Variants in CTNNAL1 observed in about 807,000 individuals in gnomAD.
CTNNAL1 encodes alpha-catulin.
In CTNNAL1, 69 loss-of-function variants were observed where a neutral mutation model predicts 93.6. The observed-to-expected ratio is 0.74, with a 90% confidence interval of 0.61 to 0.90. The LOEUF is 0.90. CTNNAL1 is among the 40% of genes least tolerant of loss of function. The pLI, the probability that CTNNAL1 is intolerant of heterozygous loss-of-function variation, is 0.00. For synonymous variants in CTNNAL1, 286 were observed against 305.4 expected (o/e 0.94, Z 0.66); for missense variants, 836 against 862.0 (o/e 0.97, Z 0.38).
At chr9:108,958,129 G>C (rs1361866292) in intron 11 of CTNNAL1, among the ~76,000 whole-genome samples, 1 of 128,004 alleles carries the variant, frequency 7.8e-6, no homozygotes, top group Non-Finnish European at 1.7e-5. Flanking sequence ...AAAGAAAAAA[G>C]AATTTTGAAT....
intron 2 of CTNNAL1, among the ~76,000 whole-genome samples, chr9:108,998,641 G>C (rs1444609883): frequency 1.3e-5 from 2 of 152,144 alleles, no homozygotes; most frequent in East Asian, 1.9e-4. Context: ...GTTCTCAAAG[G>C]CTTCTGTGCT....
chr9:108,999,822 G>A (rs11793272), intron 1 of CTNNAL1, among the ~76,000 whole-genome samples: 33,221 of 152,104 alleles, frequency 0.22, 4,444 homozygotes, highest in Admixed American at 0.3. Context: ...ACGAAATACC[G>A]AGAGTTTTAA....
chr9:108,972,856 GGGGGTGGGA>G, intron 8 of CTNNAL1, 23 bp from the exon 9 acceptor site: 11 of 576,812 alleles, frequency 1.9e-5, no homozygotes, highest in Admixed American at 3.2e-5. Context: ...GTGTGGGTGG[GGGGGTGGGA>G]GGGTGGAGAA....
At chr9:109,006,995 G>A (rs1827048795) in intron 1 of CTNNAL1, among the ~76,000 whole-genome samples, 1 of 152,188 alleles carries the variant, frequency 6.6e-6, no homozygotes, top group African/African-American at 2.4e-5. Flanking sequence ...AAGGCTGGTG[G>A]ATCACCTGAG....
At chr9:108,962,920 G>A (rs1455865052) in intron 11 of CTNNAL1, among the ~76,000 whole-genome samples, 2 of 152,126 alleles carry the variant, frequency 1.3e-5, no homozygotes, top group Admixed American at 6.5e-5. Context: ...AGGCAGGATT[G>A]GAACCTAGGC....
At chr9:108,998,829 A>G (rs545302014) in intron 2 of CTNNAL1, among the ~76,000 whole-genome samples, 3 of 152,308 alleles carry the variant, frequency 2.0e-5, no homozygotes, top group Non-Finnish European at 2.9e-5. Flanking sequence ...TCACATCTCA[A>G]TGGCTGATGA....
At chr9:109,006,338 T>C (rs1243782651) in intron 1 of CTNNAL1, among the ~76,000 whole-genome samples, 1 of 152,232 alleles carries the variant, frequency 6.6e-6, no homozygotes, top group East Asian at 1.9e-4. Flanking sequence ...TTCTCCAGCA[T>C]CTAATAGGTA....
intron 10 of CTNNAL1, among the ~76,000 whole-genome samples, chr9:108,968,909 A>T (rs950435817): frequency 2.4e-4 from 37 of 151,876 alleles, no homozygotes; most frequent in African/African-American, 8.2e-4. Flanking sequence ...AAATTAAAAT[A>T]TAAATAATAT....
At chr9:108,991,879 C>T in intron 3 of CTNNAL1, 2 of 582,322 alleles carry the variant, frequency 3.4e-6, no homozygotes, top group East Asian at 3.1e-5. Flanking sequence ...ACCCTGGATT[C>T]CCAGATGATC....
intron 14 of CTNNAL1, 126 bp downstream of exon 14, chr9:108,952,083 A>G (rs892574770): frequency 7.0e-6 from 5 of 711,854 alleles, no homozygotes; most frequent in African/African-American, 3.6e-5. Context: ...CATAGTAACT[A>G]CTTTTAGTCT....
intron 14 of CTNNAL1, among the ~76,000 whole-genome samples, chr9:108,948,916 A>C (rs1830479241): frequency 6.6e-6 from 1 of 152,218 alleles, no homozygotes; most frequent in South Asian, 2.1e-4. Context: ...GGAGATGTGA[A>C]CATATCATTC....
chr9:108,959,124 C>T (rs1206121948), intron 11 of CTNNAL1, among the ~76,000 whole-genome samples: 1 of 150,768 alleles, frequency 6.6e-6, no homozygotes, highest in East Asian at 2.0e-4. Flanking sequence ...CTTTGGGAGG[C>T]TGAGGCAGGC....
At chr9:108,972,540 T>G in intron 9 of CTNNAL1, 135 bp downstream of exon 9, 1 of 744,690 alleles carries the variant, frequency 1.3e-6, no homozygotes, top group Non-Finnish European at 2.2e-6. Flanking sequence ...AGATACATGG[T>G]ATGCTTTTAA....
At chr9:108,950,606 A>T (rs1294869738) in intron 14 of CTNNAL1, 36 of 1,549,496 alleles carry the variant, frequency 2.3e-5, no homozygotes, top group Non-Finnish European at 3.0e-5. Context: ...CTCCTTCTAT[A>T]GGAAGGAATC....
chr9:108,996,815 C>T (rs886671664), intron 2 of CTNNAL1, among the ~76,000 whole-genome samples: 1 of 151,798 alleles, frequency 6.6e-6, no homozygotes, highest in Non-Finnish European at 1.5e-5. Flanking sequence ...TATGTAATGT[C>T]TGTTTCATAA....
intron 4 of CTNNAL1, among the ~76,000 whole-genome samples, chr9:108,987,368 G>A (rs1436382359): frequency 1.3e-5 from 2 of 152,118 alleles, no homozygotes; most frequent in Non-Finnish European, 2.9e-5. Context: ...TGAGGGCTCT[G>A]TTCTGTTCCA....
chr9:109,013,489 T>C lies in CTNNAL1; in HGVS notation c.-47A>G, dbSNP rs1588003380. 3.0e-6 allele frequency: 4 copies of C among 1,314,398 alleles called. No individual in the cohort carries two copies. In the East Asian group the frequency reaches 1.3e-4, roughly 42 times the overall value. 81.4% of individuals were successfully genotyped at this position (1,314,398 alleles called of 1,614,324 possible). On this transcript the variant is annotated 5_prime_UTR_variant, in exon 1 of 19. Coordinates refer to ENST00000325551, the MANE Select transcript of CTNNAL1 (RefSeq NM_003798.4). ...CCGGGACTCCGCGCCGCGGCGAGCCTGCCGCCAGTCAGCCCACCCGCCCGA... is the reference window on the plus strand; with the variant it reads ...CCGGGACTCCGCGCCGCGGCGAGCCCGCCGCCAGTCAGCCCACCCGCCCGA...
At chr9:108,950,387 T>C (rs144772037) in intron 14 of CTNNAL1, 23,828 of 1,098,918 alleles carry the variant, frequency 0.022, 331 homozygotes, top group Non-Finnish European at 0.025. Context: ...TTAAGAACAA[T>C]GGAAGGAAAC....
rs28361179 is a variant in CTNNAL1, at chr9:108,944,177, A to C, written c.1885-159T>G. ...AAACTTTTTCCAGTACCAGGAATGC[A>C]CAAGGGTTTAACTGTTTTCAGAAGG... On this transcript the variant is annotated intron_variant, in intron 15 of 18. Transcript: ENST00000325551. Among the ~76,000 whole-genome samples the C allele has an allele frequency of 6.4e-3, 979 of 152,386 alleles. 15 individuals are homozygous for C. The highest frequency in any genetic ancestry group is 0.023 in the African/African-American group (940 of 41,590).
Sources: gnomAD v4.1 joint callset for allele counts (sites outside exome capture counted in the v4.1 genomes callset) on GRCh38, gnomAD v4.1.1 for gene constraint, MANE v1.5 for transcripts, NCBI Gene and HGNC (gene_info 2026-07-23, HGNC 2026-07-21) for gene names.